HPF1: variants seen among roughly 807,000 people sequenced by gnomAD.
HPF1 encodes the protein UPF0609 protein C4orf27.
Under a neutral mutation model 38.8 loss-of-function variants are expected in HPF1, and 35 were observed. The ratio of observed to expected loss-of-function variants is 0.90; its 90% CI spans 0.69 to 1.19. The LOEUF is 1.19. Among genes scored for constraint, HPF1 ranks in the 50% most tolerant of loss-of-function variants. HPF1 has a pLI of 0.00. For synonymous variants in HPF1, 115 were observed against 139.2 expected (o/e 0.83, Z 1.22); for missense variants, 367 against 405.8 (o/e 0.90, Z 0.82).
At chr4:169,740,315 T>A (rs1272412505) in intron 5 of HPF1, among the ~76,000 whole-genome samples, 1 of 152,260 alleles carries the variant, frequency 6.6e-6, no homozygotes, top group Non-Finnish European at 1.5e-5. Flanking sequence ...TTTACTCATC[T>A]ATAAAATAGG....
intron 1 of HPF1, 87 bp from the exon 2 acceptor site, chr4:169,753,922 C>T: frequency 1.0e-6 from 1 of 1,000,314 alleles, no homozygotes; most frequent in Non-Finnish European, 1.5e-6. Flanking sequence ...TCACCCAACT[C>T]TATGAAATAC....
Position 169,731,841 on chromosome 4 carries a change from C to T in HPF1, c.772G>A (p.Ala258Thr), listed in dbSNP as rs775266681. 1.9e-6 allele frequency: 3 copies of T among 1,613,372 alleles called. No individual in the cohort carries two copies. In the South Asian group the frequency reaches 3.3e-5, roughly 18 times the overall value. The change falls in exon 7 of 8, where the codon GCT becomes ACT. Residue 258 changes from alanine to threonine, a missense_variant. Ala to Thr is a moderately conservative substitution (Grantham distance 58). Coordinates refer to ENST00000393381, the MANE Select transcript of HPF1 (RefSeq NM_017867.3). The part of the protein sequence containing the change: ...LKRICKTIVE[A>T]ASDEERLKAF... ...TTTAGTCTCTCCTCATCACTTGCAG[C>T]CTCAACTATTGTCTTGCAAATTCTC... is the stretch of plus-strand genomic sequence containing the variant.
Position 169,742,170 on chromosome 4 carries a change from C to G in HPF1, c.498-63G>C, listed in dbSNP as rs6849004. 0.97 allele frequency: 1,376,697 copies of G among 1,421,738 alleles called. 666,794 individuals are homozygous for G. Among genetic ancestry groups the G allele is most frequent in the East Asian group, 0.99 (43,353 of 43,754 alleles). The allele number at this position is 1,421,738 out of a possible 1,614,324, so 88.1% of individuals were successfully genotyped here. On this transcript the variant is annotated intron_variant, in intron 4 of 7. Transcript: ENST00000393381. Reference sequence around the variant, plus strand: ...CACTGTACTAAGTACAAAGACCTTTCAAAGTTGAGCCAAGGTAAAAATGTC... The same window carrying G: ...CACTGTACTAAGTACAAAGACCTTTGAAAGTTGAGCCAAGGTAAAAATGTC...
intron 2 of HPF1, 99 bp from the exon 3 acceptor site, chr4:169,750,824 T>G: frequency 1.1e-6 from 1 of 912,014 alleles, no homozygotes; most frequent in African/African-American, 1.7e-5. Flanking sequence ...TTTAAAAAGT[T>G]TCTAAACTAA....
At chr4:169,731,327 A>G (rs1733824955) in intron 7 of HPF1, among the ~76,000 whole-genome samples, 1 of 152,164 alleles carries the variant, frequency 6.6e-6, no homozygotes, top group African/African-American at 2.4e-5. Flanking sequence ...ATGGAAACGA[A>G]ATGGAGCCTA....
intron 1 of HPF1, among the ~76,000 whole-genome samples, chr4:169,754,936 T>C (rs1308327346): frequency 6.6e-6 from 1 of 152,032 alleles, no homozygotes; most frequent in Non-Finnish European, 1.5e-5. Flanking sequence ...ATTATTATTA[T>C]ACTTTAAGTT....
At chr4:169,729,755 C>T in intron 7 of HPF1, 46 bp from the exon 8 acceptor site, 2 of 1,297,878 alleles carry the variant, frequency 1.5e-6, no homozygotes, top group South Asian at 2.4e-5. Context: ...TAGCAGATAT[C>T]CTAATAAGTA....
chr4:169,754,411 C>A (rs1444369421), intron 1 of HPF1, among the ~76,000 whole-genome samples: 3 of 152,106 alleles, frequency 2.0e-5, no homozygotes, highest in African/African-American at 7.2e-5. Flanking sequence ...AGCAGAATAG[C>A]ACTAAACTCT....
Position 169,737,647 on chromosome 4 carries a change from T to C in HPF1, c.736+13A>G, listed in dbSNP as rs776163487. On this transcript the variant is annotated intron_variant, in intron 6 of 7. Transcript: ENST00000393381. Reference sequence around the variant, plus strand: ...TTAACATATATGCACATGTTTACTATGAAATACATTACCATCTGTTTCAGG... The same window carrying C: ...TTAACATATATGCACATGTTTACTACGAAATACATTACCATCTGTTTCAGG... 10 of 1,506,758 alleles carry C rather than the reference T, an allele frequency of 6.6e-6. No homozygotes were observed. The highest frequency in any genetic ancestry group is 4.1e-5 in the African/African-American group (3 of 72,840). 93.3% of individuals were successfully genotyped at this position (1,506,758 alleles called of 1,614,324 possible). A position where few individuals can be genotyped will look rare whatever the true frequency, so the allele number is the denominator to read the frequency against.
chr4:169,732,062 G>A, intron 6 of HPF1, 186 bp from the exon 7 acceptor site: 2 of 482,970 alleles, frequency 4.1e-6, no homozygotes, highest in East Asian at 3.6e-5. Context: ...TTTCTACTTA[G>A]GATTCAAGCT....
Position 169,753,745 on chromosome 4 carries a change from G to C in HPF1, c.139C>G (p.Leu47Val). 6.2e-7 allele frequency: 1 copy of C among 1,613,200 alleles called. No individual in the cohort carries two copies. The highest frequency in any genetic ancestry group is 8.5e-7 in the Non-Finnish European group (1 of 1,179,474). ...LRKEVENHYKLSLPEDFYHFW... is the reference protein window; with the variant it reads ...LRKEVENHYKVSLPEDFYHFW... ...TGATAGAAATCTTCAGGTAAAGAAA[G>C]CTTATAATGATTTTCTACTTCTTTT... Residue 47 changes from leucine to valine, a missense_variant, in exon 2 of 8, where the codon CTT becomes GTT. By Grantham distance (32) the Leu-to-Val change is conservative. Transcript: ENST00000393381.
intron 1 of HPF1, among the ~76,000 whole-genome samples, chr4:169,756,409 TTC>T (rs1040087293): frequency 5.9e-5 from 9 of 152,242 alleles, no homozygotes; most frequent in African/African-American, 2.2e-4. Context: ...CTATCCTATC[TTC>T]TGTTTTCATA....
intron 7 of HPF1, 144 bp from the exon 8 acceptor site, chr4:169,729,853 A>G: frequency 5.8e-6 from 3 of 514,852 alleles, no homozygotes; most frequent in Non-Finnish European, 9.0e-6. Context: ...AGTGAACATA[A>G]TTTAAGGACA....
intron 6 of HPF1, among the ~76,000 whole-genome samples, chr4:169,736,980 T>C (rs1361195533): frequency 6.6e-6 from 1 of 152,232 alleles, no homozygotes; most frequent in East Asian, 1.9e-4. Context: ...TAAATCATTT[T>C]ATAGGCAGAT....
chr4:169,744,145 C>T (rs1395160474), intron 4 of HPF1, among the ~76,000 whole-genome samples: 11 of 152,180 alleles, frequency 7.2e-5, no homozygotes, highest in Non-Finnish European at 8.8e-5. Context: ...TCTTTACAGT[C>T]TTCCTCAACA....
chr4:169,756,670 A>C (rs917888312), intron 1 of HPF1, among the ~76,000 whole-genome samples: 20 of 152,232 alleles, frequency 1.3e-4, no homozygotes, highest in African/African-American at 3.6e-4. Flanking sequence ...AAATACACAG[A>C]ACGGTCCTAG....
chr4:169,751,900 A>G (rs1161437855), intron 2 of HPF1, among the ~76,000 whole-genome samples: 4 of 152,152 alleles, frequency 2.6e-5, no homozygotes, highest in Non-Finnish European at 4.4e-5. Flanking sequence ...CTCCACCCCC[A>G]TGAACAGATA....
At chr4:169,732,774 G>GC (rs777422926) in intron 6 of HPF1, among the ~76,000 whole-genome samples, 30 of 151,584 alleles carry the variant, frequency 2.0e-4, no homozygotes, top group Non-Finnish European at 4.1e-4. Context: ...GAAATACTCA[G>GC]GAAAAAAATA....
intron 3 of HPF1, among the ~76,000 whole-genome samples, chr4:169,749,208 G>T (rs1164051104): frequency 6.6e-6 from 1 of 152,070 alleles, no homozygotes; most frequent in Non-Finnish European, 1.5e-5. Context: ...CATCACTAAA[G>T]TATTATAAAT....
Sources: allele counts gnomAD v4.1 joint callset (sites outside exome capture counted in the v4.1 genomes callset), GRCh38; gene constraint gnomAD v4.1.1; transcripts MANE v1.5; gene names NCBI Gene and HGNC (gene_info 2026-07-23, HGNC 2026-07-21).